LRTM3: variants seen among roughly 807,000 people sequenced by gnomAD.
LRTM3 encodes leucine-rich repeat transmembrane protein 3.
At chr13:102,749,917 T>G in the LRTM3 span, 2 of 1,551,338 alleles carry the variant, frequency 1.3e-6, no homozygotes, top group South Asian at 1.2e-5. Flanking sequence ...TAGTTTTGGG[T>G]TTTGAAGGAA....
the LRTM3 span, chr13:102,730,776 G>A: frequency 6.4e-7 from 1 of 1,551,616 alleles, no homozygotes; most frequent in Non-Finnish European, 8.7e-7. Context: ...TGTTTGGGAA[G>A]TACATTTGGC....
the LRTM3 span, chr13:102,748,559 A>T: frequency 6.4e-7 from 1 of 1,550,698 alleles, no homozygotes. Flanking sequence ...CTGTATTTTC[A>T]TTCTATTGTT....
At chr13:102,742,241 T>A in the LRTM3 span, 5 of 1,550,458 alleles carry the variant, frequency 3.2e-6, no homozygotes, top group African/African-American at 1.4e-5. Context: ...TGCAGTACCA[T>A]ACTCAAGCAG....
the LRTM3 span, chr13:102,758,806 T>A: frequency 6.5e-7 from 1 of 1,549,922 alleles, no homozygotes; most frequent in East Asian, 2.4e-5. Flanking sequence ...AGTAAAATTA[T>A]AAAGAAAATT....
chr13:102,756,506 C>T, the LRTM3 span, among the ~76,000 whole-genome samples: 1 of 151,258 alleles, frequency 6.6e-6, no homozygotes, highest in African/African-American at 2.4e-5. Context: ...AACCGCATCT[C>T]TACTAGAAAC....
At chr13:102,731,345 A>C in the LRTM3 span, 3 of 1,551,306 alleles carry the variant, frequency 1.9e-6, no homozygotes, top group Non-Finnish European at 2.6e-6. Flanking sequence ...ATCTTTTGAA[A>C]TAGTCCCTTT....
chr13:102,733,752 A>G, the LRTM3 span: 2 of 1,551,196 alleles, frequency 1.3e-6, no homozygotes, highest in Non-Finnish European at 1.7e-6. Context: ...AACTGATTCA[A>G]ATCTTCTTCT....
the LRTM3 span, chr13:102,731,337 C>T: frequency 6.4e-7 from 1 of 1,551,376 alleles, no homozygotes; most frequent in Non-Finnish European, 8.7e-7. Context: ...CAACTGTTAT[C>T]TTTTGAAATA....
the LRTM3 span, chr13:102,743,158 C>T: frequency 6.4e-7 from 1 of 1,550,530 alleles, no homozygotes; most frequent in South Asian, 1.2e-5. Context: ...GCTTCTCTTC[C>T]CCACTTTCTC....
the LRTM3 span, chr13:102,746,036 CCT>C: frequency 6.4e-7 from 1 of 1,551,104 alleles, no homozygotes; most frequent in Non-Finnish European, 8.7e-7. Flanking sequence ...AATCTTAGGA[CCT>C]CCAAGGACTT....
the LRTM3 span, chr13:102,733,703 C>A: frequency 6.4e-7 from 1 of 1,551,300 alleles, no homozygotes; most frequent in Non-Finnish European, 8.7e-7. Flanking sequence ...GGTACCAAAC[C>A]CTGTGAAATA....
the LRTM3 span, chr13:102,742,321 T>G: frequency 6.5e-7 from 1 of 1,549,564 alleles, no homozygotes; most frequent in Non-Finnish European, 8.7e-7. Context: ...CCACATCTGC[T>G]GTCTTTGCCT....
At chr13:102,739,521 T>C in the LRTM3 span, 1 of 1,550,374 alleles carries the variant, frequency 6.5e-7, no homozygotes, top group Non-Finnish European at 8.7e-7. Flanking sequence ...GGTAAAGAAG[T>C]ACACAAGTTT....
the LRTM3 span, chr13:102,758,605 G>A: frequency 1.4e-5 from 21 of 1,525,054 alleles, no homozygotes; most frequent in South Asian, 2.5e-4. Flanking sequence ...AATTGTTAGA[G>A]GAGTAATCGG....
the LRTM3 span, chr13:102,743,101 C>G: frequency 1.3e-6 from 2 of 1,550,258 alleles, no homozygotes. Context: ...ATGTGTTTGC[C>G]ATGAAGTTTT....
At chr13:102,739,191 G>GT in the LRTM3 span, 3 of 1,549,824 alleles carry the variant, frequency 1.9e-6, 1 homozygote, top group East Asian at 2.4e-5. Flanking sequence ...ATTTTCTCTA[G>GT]TTTTTTATTG....
the LRTM3 span, among the ~76,000 whole-genome samples, chr13:102,756,888 C>T: frequency 4.6e-5 from 7 of 152,032 alleles, no homozygotes; most frequent in South Asian, 2.1e-4. Flanking sequence ...AGATGCCACC[C>T]GAGGATTAAC....
the LRTM3 span, chr13:102,743,550 C>A: frequency 7.1e-6 from 11 of 1,548,922 alleles, no homozygotes; most frequent in Non-Finnish European, 9.6e-6. Context: ...ATTTTCCTTT[C>A]TGATAACTGT....
the LRTM3 span, chr13:102,744,715 T>A: frequency 6.4e-7 from 1 of 1,550,758 alleles, no homozygotes; most frequent in Non-Finnish European, 8.7e-7. Flanking sequence ...CTGATTCTGT[T>A]AACATTTTTT....
Sources: gnomAD v4.1 joint callset for allele counts (sites outside exome capture counted in the v4.1 genomes callset) on GRCh38, gnomAD v4.1.1 for gene constraint, MANE v1.5 for transcripts, NCBI Gene and HGNC (gene_info 2026-07-23, HGNC 2026-07-21) for gene names.